The following LMBRD1 variants were observed in gnomAD, a reference collection of about 807,000 sequenced individuals.
The protein encoded by LMBRD1 is LMBR1 domain containing 1.
LMBRD1 carries 64 observed loss-of-function variants against 74.8 expected under a neutral mutation model. The ratio of observed to expected loss-of-function variants is 0.86; its 90% CI spans 0.70 to 1.05. The LOEUF (loss-of-function observed/expected upper bound fraction) is 1.05, where lower values mean the gene tolerates loss of function less well. Ranked by LOEUF, LMBRD1 falls within the 50% of genes least tolerant of loss-of-function variation. The probability of loss-of-function intolerance (pLI) is 0.00; values close to 1 mark genes in which losing one functional copy is unlikely to be tolerated. For missense variants in LMBRD1, 652 were observed against 645.9 expected, an observed-to-expected ratio of 1.01 and a Z score of -0.10; for synonymous variants, 204 against 216.3, an observed-to-expected ratio of 0.94 and a Z score of 0.50.
chr6:69,789,871 G>A (rs1766039907), intron 2 of LMBRD1, among the ~76,000 whole-genome samples: 4 of 152,202 alleles, frequency 2.6e-5, no homozygotes, highest in African/African-American at 7.2e-5. Flanking sequence ...AGACAGTTAA[G>A]GGTCAAGACT....
intron 2 of LMBRD1, among the ~76,000 whole-genome samples, chr6:69,789,894 T>G (rs1196629769): frequency 1.3e-5 from 2 of 152,238 alleles, no homozygotes; most frequent in African/African-American, 4.8e-5. Context: ...AACTCAGATC[T>G]TATAATTCCC....
At chr6:69,743,012 T>C (rs1767137866) in intron 5 of LMBRD1, among the ~76,000 whole-genome samples, 1 of 152,140 alleles carries the variant, frequency 6.6e-6, no homozygotes, top group African/African-American at 2.4e-5. Flanking sequence ...TGTAGAAAGT[T>C]TATTATTTGT....
At chr6:69,691,360 T>C (rs952698885) in intron 14 of LMBRD1, among the ~76,000 whole-genome samples, 6 of 152,194 alleles carry the variant, frequency 3.9e-5, no homozygotes, top group Admixed American at 1.3e-4. Flanking sequence ...ACTAGCTAGA[T>C]GACCTTTCTA....
chr6:69,720,457 G>A (rs1766590146), intron 7 of LMBRD1, among the ~76,000 whole-genome samples: 1 of 152,198 alleles, frequency 6.6e-6, no homozygotes. Context: ...AGATGAAAAT[G>A]TAATTTGGAT....
chr6:69,723,052 T>G lies in LMBRD1; in HGVS notation c.637-3971A>C, dbSNP rs539502467. Among the ~76,000 whole-genome samples, 4 of 152,218 alleles carry G rather than the reference T, an allele frequency of 2.6e-5. No individual in the cohort carries two copies. The South Asian group carries it at 8.3e-4, about 32-fold the overall frequency. ...TATGTTTATATTGGGGAACATAGAT[T>G]TCAAGGCAAAAAACTGTATGAAAAG... On this transcript the variant is annotated intron_variant, in intron 7 of 15. Coordinates refer to ENST00000649934, the MANE Select transcript of LMBRD1 (RefSeq NM_018368.4).
chr6:69,796,913 C>T lies in LMBRD1; in HGVS notation c.-32G>A, dbSNP rs1766248822. The T allele has an allele frequency of 6.2e-6, 10 of 1,607,194 alleles. No individual in the cohort carries two copies. The highest frequency in any genetic ancestry group is 3.3e-4 in the Middle Eastern group (2 of 6,054). On this transcript the variant is annotated 5_prime_UTR_variant, in exon 1 of 16. Transcript: ENST00000649934. Reference sequence around the variant, plus strand: ...TTCCGGTCCAGACCAACCTGAGCGCCCGGGGTGGGGAAAGGGGAGGGGGAA... The same window carrying T: ...TTCCGGTCCAGACCAACCTGAGCGCTCGGGGTGGGGAAAGGGGAGGGGGAA...
At chr6:69,693,983 A>C (rs1765943386) in intron 14 of LMBRD1, among the ~76,000 whole-genome samples, 2 of 152,160 alleles carry the variant, frequency 1.3e-5, no homozygotes. Flanking sequence ...GTATTGCAAA[A>C]TAACATTTCA....
chr6:69,764,133 G>A (rs1398258042), intron 3 of LMBRD1, among the ~76,000 whole-genome samples: 5 of 152,194 alleles, frequency 3.3e-5, no homozygotes, highest in Non-Finnish European at 5.9e-5. Flanking sequence ...GCTGCCAGGA[G>A]TGGAATGTTA....
intron 3 of LMBRD1, among the ~76,000 whole-genome samples, chr6:69,778,939 G>C (rs1264653983): frequency 6.6e-6 from 1 of 152,100 alleles, no homozygotes; most frequent in Admixed American, 6.5e-5. Context: ...TGTAATCCCA[G>C]CACTTCGGAA....
chr6:69,732,440 GTACTTC>G (rs1387789844), intron 7 of LMBRD1, among the ~76,000 whole-genome samples: 1 of 152,068 alleles, frequency 6.6e-6, no homozygotes, highest in Non-Finnish European at 1.5e-5. Flanking sequence ...CCTTGATGTT[GTACTTC>G]CCAGTCTCTA....
At chr6:69,695,824 T>G (rs1474713944) in intron 14 of LMBRD1, among the ~76,000 whole-genome samples, 1 of 146,958 alleles carries the variant, frequency 6.8e-6, no homozygotes, top group Non-Finnish European at 1.5e-5. Flanking sequence ...TTTTTTACAA[T>G]TTTTCTAACC....
intron 14 of LMBRD1, among the ~76,000 whole-genome samples, chr6:69,683,545 T>C (rs1765704514): frequency 6.6e-6 from 1 of 152,100 alleles, no homozygotes; most frequent in African/African-American, 2.4e-5. Context: ...CACCTACTAT[T>C]GTGCTACACA....
At chr6:69,723,741 G>A (rs1320913075) in intron 7 of LMBRD1, among the ~76,000 whole-genome samples, 5 of 151,378 alleles carry the variant, frequency 3.3e-5, no homozygotes, top group Non-Finnish European at 3.0e-5. Context: ...AACAAATACT[G>A]TAATGACGCA....
intron 1 of LMBRD1, among the ~76,000 whole-genome samples, chr6:69,794,063 GTGTGAA>G (rs1766155392): frequency 6.6e-6 from 1 of 152,144 alleles, no homozygotes; most frequent in Non-Finnish European, 1.5e-5. Flanking sequence ...AGTTCTCCAA[GTGTGAA>G]ATCCCTAGGC....
intron 1 of LMBRD1, 53 bp from the exon 2 acceptor site, chr6:69,790,525 T>G: frequency 6.4e-7 from 1 of 1,559,578 alleles, no homozygotes; most frequent in Non-Finnish European, 8.8e-7. Flanking sequence ...TTTTCTCTGA[T>G]TTTTGTATGT....
chr6:69,757,744 G>A (rs968192931), intron 3 of LMBRD1, among the ~76,000 whole-genome samples: 4 of 152,024 alleles, frequency 2.6e-5, no homozygotes, highest in Non-Finnish European at 5.9e-5. Flanking sequence ...CATTTTCAAA[G>A]GCAAATTATT....
At chr6:69,782,981 T>G (rs1322129198) in intron 2 of LMBRD1, among the ~76,000 whole-genome samples, 1 of 151,798 alleles carries the variant, frequency 6.6e-6, no homozygotes, top group Non-Finnish European at 1.5e-5. Flanking sequence ...AATTTACTAC[T>G]GTACATGCAT....
intron 1 of LMBRD1, 49 bp downstream of exon 1, chr6:69,796,764 C>G: frequency 1.3e-6 from 2 of 1,577,442 alleles, no homozygotes; most frequent in Non-Finnish European, 1.7e-6. Flanking sequence ...CTGCCCCTCC[C>G]TTCCTCCCCC....
intron 3 of LMBRD1, 70 bp downstream of exon 3, chr6:69,780,424 C>A (rs565960074): frequency 9.0e-7 from 1 of 1,108,996 alleles, no homozygotes; most frequent in East Asian, 2.4e-5. Flanking sequence ...CTGGGGTTCT[C>A]CACTCATCGG....
Sources: gnomAD v4.1 joint callset for allele counts (sites outside exome capture counted in the v4.1 genomes callset) on GRCh38, gnomAD v4.1.1 for gene constraint, MANE v1.5 for transcripts, NCBI Gene and HGNC (gene_info 2026-07-23, HGNC 2026-07-21) for gene names.